The following TTC28 variants were observed in gnomAD, a reference collection of about 807,000 sequenced individuals.
TTC28 encodes the protein tetratricopeptide repeat domain 28.
A neutral mutation model predicts 198.0 loss-of-function variants in TTC28; 61 were observed. That is an observed-to-expected ratio of 0.31 (90% CI 0.25 to 0.38). The LOEUF (loss-of-function observed/expected upper bound fraction) is 0.38, where lower values mean the gene tolerates loss of function less well. Ranked by LOEUF, TTC28 falls within the 10% of genes least tolerant of loss-of-function variation. The pLI, the probability that TTC28 is intolerant of heterozygous loss-of-function variation, is 1.00. For missense variants in TTC28, 2,678 were observed against 3,164.0 expected, an observed-to-expected ratio of 0.85 and a Z score of 3.69; for synonymous variants, 1,171 against 1,297.8, an observed-to-expected ratio of 0.90 and a Z score of 2.10.
chr22:28,277,714 T>C (rs536376559), intron 5 of TTC28, among the ~76,000 whole-genome samples: 2 of 152,348 alleles, frequency 1.3e-5, no homozygotes, highest in Admixed American at 6.5e-5. Context: ...ATAACACTTA[T>C]TATTAGCTGT....
intron 2 of TTC28, among the ~76,000 whole-genome samples, chr22:28,467,870 T>A (rs1390975175): frequency 1.3e-5 from 2 of 152,064 alleles, no homozygotes; most frequent in African/African-American, 4.8e-5. Context: ...CAAGAGATCC[T>A]CCCGTCTCAG....
At chr22:28,161,719 G>C (rs1921206948) in intron 6 of TTC28, among the ~76,000 whole-genome samples, 1 of 142,084 alleles carries the variant, frequency 7.0e-6, no homozygotes, top group Non-Finnish European at 1.5e-5. Flanking sequence ...AAGAGGAAAG[G>C]AAAGAGGACA....
intron 2 of TTC28, among the ~76,000 whole-genome samples, chr22:28,442,558 G>A (rs2146231868): frequency 6.6e-6 from 1 of 152,364 alleles, no homozygotes; most frequent in African/African-American, 2.4e-5. Flanking sequence ...CCGCCATGGG[G>A]CAACACCTAG....
At chr22:28,359,557 C>G (rs134509) in intron 2 of TTC28, among the ~76,000 whole-genome samples, 149,090 of 152,296 alleles carry the variant, frequency 0.98, 72,973 homozygotes, top group East Asian at 0.99. Flanking sequence ...TAGTATCTAA[C>G]ACATTTGGAG....
At chr22:28,407,950 G>C (rs1264011376) in intron 2 of TTC28, among the ~76,000 whole-genome samples, 1 of 152,148 alleles carries the variant, frequency 6.6e-6, no homozygotes. Context: ...TTAACTCTTA[G>C]AATGACAATA....
intron 5 of TTC28, among the ~76,000 whole-genome samples, chr22:28,276,543 T>A (rs1932444411): frequency 6.6e-6 from 1 of 152,176 alleles, no homozygotes; most frequent in Non-Finnish European, 1.5e-5. Context: ...ACTTCTCTAA[T>A]GTTCTAATTA....
At chr22:28,399,920 T>C (rs540516064) in intron 2 of TTC28, among the ~76,000 whole-genome samples, 1 of 152,264 alleles carries the variant, frequency 6.6e-6, no homozygotes, top group South Asian at 2.1e-4. Flanking sequence ...AACAGAAATA[T>C]GCACACTGTA....
chr22:28,122,049 G>T (rs1174462376), intron 6 of TTC28, among the ~76,000 whole-genome samples: 1 of 152,076 alleles, frequency 6.6e-6, no homozygotes, highest in African/African-American at 2.4e-5. Context: ...TGTATTTTTA[G>T]TAGAGACAGG....
chr22:28,391,178 C>A (rs1385863771), intron 2 of TTC28, among the ~76,000 whole-genome samples: 1 of 152,204 alleles, frequency 6.6e-6, no homozygotes, highest in Non-Finnish European at 1.5e-5. Flanking sequence ...CCCCCACTCT[C>A]TTCTGGCTTG....
chr22:28,379,098 G>A (rs1311484228), intron 2 of TTC28, among the ~76,000 whole-genome samples: 4 of 152,098 alleles, frequency 2.6e-5, no homozygotes, highest in Non-Finnish European at 4.4e-5. Flanking sequence ...CAGGTAAGTG[G>A]AGCAACATCT....
intron 2 of TTC28, among the ~76,000 whole-genome samples, chr22:28,450,321 T>C (rs1405641470): frequency 6.6e-6 from 1 of 152,176 alleles, no homozygotes; most frequent in Non-Finnish European, 1.5e-5. Flanking sequence ...ACTGCTCAGA[T>C]GGAATGTGAG....
chr22:28,620,723 G>A (rs894140182), intron 2 of TTC28, among the ~76,000 whole-genome samples: 3 of 152,156 alleles, frequency 2.0e-5, no homozygotes, highest in Non-Finnish European at 4.4e-5. Context: ...TGCTCAGGGC[G>A]TTGTGCCTGC....
At chr22:28,055,197 C>T (rs180775025) in intron 12 of TTC28, among the ~76,000 whole-genome samples, 8 of 152,230 alleles carry the variant, frequency 5.3e-5, no homozygotes, top group South Asian at 4.1e-4. Flanking sequence ...CCCCATGCAG[C>T]GAAAAGATAG....
At chr22:28,308,987 G>A (rs2045201233) in intron 2 of TTC28, among the ~76,000 whole-genome samples, 1 of 152,108 alleles carries the variant, frequency 6.6e-6, no homozygotes, top group Non-Finnish European at 1.5e-5. Flanking sequence ...AATATTCATT[G>A]CATGTACAAA....
At chr22:28,162,066 T>C (rs1262731997) in intron 6 of TTC28, among the ~76,000 whole-genome samples, 15 of 152,182 alleles carry the variant, frequency 9.9e-5, no homozygotes, top group Admixed American at 9.8e-4. Flanking sequence ...GGCACAGGGA[T>C]AAGTTTAGCT....
intron 2 of TTC28, among the ~76,000 whole-genome samples, chr22:28,560,135 T>C (rs1450325942): frequency 6.6e-6 from 1 of 152,220 alleles, no homozygotes; most frequent in Non-Finnish European, 1.5e-5. Context: ...GAGTCATCCT[T>C]GATTCCTCGC....
At chr22:28,223,980 T>C (rs1601499166) in intron 5 of TTC28, among the ~76,000 whole-genome samples, 1 of 152,208 alleles carries the variant, frequency 6.6e-6, no homozygotes, top group South Asian at 2.1e-4. Context: ...TCATCCTCTA[T>C]AGCAATGATT....
chr22:28,626,792 A>G (rs1273814590), intron 2 of TTC28, among the ~76,000 whole-genome samples: 1 of 152,088 alleles, frequency 6.6e-6, no homozygotes, highest in African/African-American at 2.4e-5. Flanking sequence ...TTAATGTAAA[A>G]TGGACTATAC....
chr22:28,107,588 C>T lies in TTC28; in HGVS notation c.2257G>A (p.Glu753Lys), dbSNP rs1368680391. ...CCCAGGGCTGCATATGCACTGGCTT[C>T]TAATCTTCTGTCCTTTACCTGGTGA... The part of the protein sequence containing the change: ...LAHQVKDRRL[E>K]ASAYAALGTA... The change falls in exon 7 of 23, where the codon GAA (glutamate) becomes AAA (lysine). Residue 753 changes from glutamate (E) to lysine (K), a missense_variant. By Grantham distance (56) the Glu-to-Lys change is moderately conservative. Coordinates refer to ENST00000397906, the MANE Select transcript of TTC28 (RefSeq NM_001145418.2). 6.4e-7 allele frequency: 1 copy of T among 1,551,778 alleles called. No homozygotes were observed. Among genetic ancestry groups the T allele is most frequent in the South Asian group, 1.2e-5 (1 of 84,050 alleles).
Sources: gnomAD v4.1 joint callset for allele counts (sites outside exome capture counted in the v4.1 genomes callset) on GRCh38, gnomAD v4.1.1 for gene constraint, MANE v1.5 for transcripts, NCBI Gene and HGNC (gene_info 2026-07-23, HGNC 2026-07-21) for gene names.